IWS1: variants seen among roughly 807,000 people sequenced by gnomAD.
IWS1 encodes the protein protein IWS1 homolog.
A neutral mutation model predicts 86.7 loss-of-function variants in IWS1; 27 were observed. The observed-to-expected ratio is 0.31, with a 90% CI of 0.23 to 0.43. The LOEUF is 0.43. IWS1 is among the 20% of genes least tolerant of loss of function. The pLI, the probability that IWS1 is intolerant of heterozygous loss-of-function variation, is 1.00. For synonymous variants in IWS1, 313 were observed against 335.1 expected (o/e 0.93, Z 0.72); for missense variants, 827 against 1,000.8 (o/e 0.83, Z 2.34).
chr2:127,504,048 T>C (rs1296208717), intron 3 of IWS1, among the ~76,000 whole-genome samples: 1 of 152,226 alleles, frequency 6.6e-6, no homozygotes, highest in African/African-American at 2.4e-5. Context: ...TGACAGCATG[T>C]CTGGTACCTT....
At chr2:127,490,775 G>A (rs1340251940) in intron 10 of IWS1, 1 of 152,150 alleles carries the variant, frequency 6.6e-6, no homozygotes, top group Non-Finnish European at 1.5e-5. Context: ...GCAAACTACT[G>A]CATAAAAGCA....
chr2:127,492,650 A>G (rs1202113632), intron 9 of IWS1: 1 of 153,478 alleles, frequency 6.5e-6, no homozygotes, highest in Non-Finnish European at 1.4e-5. Flanking sequence ...CTCAGAGGTT[A>G]GCAGTTTAAT....
At chr2:127,509,750 T>C (rs1056874153) in intron 2 of IWS1, among the ~76,000 whole-genome samples, 1 of 137,518 alleles carries the variant, frequency 7.3e-6, no homozygotes, top group Non-Finnish European at 1.6e-5. Flanking sequence ...TAATGCCTCA[T>C]ACCTCCTTCT....
intron 2 of IWS1, chr2:127,511,137 C>T (rs1691428698): frequency 6.6e-6 from 1 of 152,168 alleles, no homozygotes; most frequent in African/African-American, 2.4e-5. Context: ...CAAAAATACT[C>T]GCCCCATGAA....
intron 2 of IWS1, among the ~76,000 whole-genome samples, chr2:127,523,382 T>C (rs1322077427): frequency 6.6e-6 from 1 of 152,198 alleles, no homozygotes; most frequent in East Asian, 1.9e-4. Flanking sequence ...TATTGCAGAA[T>C]AGGGAAACTT....
intron 10 of IWS1, 115 bp downstream of exon 10, chr2:127,491,856 C>A: frequency 1.5e-6 from 1 of 682,260 alleles, no homozygotes; most frequent in South Asian, 1.8e-5. Context: ...AATTTCTATT[C>A]CACTTTACCG....
intron 2 of IWS1, among the ~76,000 whole-genome samples, chr2:127,513,358 T>C (rs905431651): frequency 6.6e-6 from 1 of 152,096 alleles, no homozygotes; most frequent in Non-Finnish European, 1.5e-5. Context: ...AGGTACGGGG[T>C]AATTGGGAAT....
intron 2 of IWS1, among the ~76,000 whole-genome samples, chr2:127,513,086 CA>C (rs2104723439): frequency 6.6e-6 from 1 of 152,226 alleles, no homozygotes; most frequent in African/African-American, 2.4e-5. Context: ...ACTAAAAATA[CA>C]AAAAGTAGCT....
At chr2:127,494,775 T>C (rs1690426025) in intron 8 of IWS1, 97 bp downstream of exon 8, 1 of 590,038 alleles carries the variant, frequency 1.7e-6, no homozygotes, top group South Asian at 3.4e-5. Context: ...CCGATAGAAG[T>C]CTATCATTAT....
intron 2 of IWS1, among the ~76,000 whole-genome samples, chr2:127,519,475 G>GAT (rs1691965903): frequency 6.8e-6 from 1 of 147,902 alleles, no homozygotes; most frequent in South Asian, 2.1e-4. Context: ...CTTAAAGATT[G>GAT]TGTGTGTGTG....
At chr2:127,492,359 A>G (rs1690273315) in intron 9 of IWS1, among the ~76,000 whole-genome samples, 1 of 152,126 alleles carries the variant, frequency 6.6e-6, no homozygotes, top group Non-Finnish European at 1.5e-5. Context: ...AGCCTGGCCA[A>G]CATGTGGTGA....
At chr2:127,514,914 C>T (rs1032704297) in intron 2 of IWS1, 2 of 152,246 alleles carry the variant, frequency 1.3e-5, no homozygotes, top group African/African-American at 4.8e-5. Flanking sequence ...GCCCAGAGCC[C>T]AGCAAGGCCC....
chr2:127,485,107 G>A (rs1689862363), intron 13 of IWS1, among the ~76,000 whole-genome samples: 2 of 152,128 alleles, frequency 1.3e-5, no homozygotes, highest in Admixed American at 1.3e-4. Context: ...AGAAAGAGGA[G>A]GGAGAGAGAG....
At chr2:127,510,188 G>C (rs1020077265) in intron 2 of IWS1, among the ~76,000 whole-genome samples, 3 of 152,210 alleles carry the variant, frequency 2.0e-5, no homozygotes, top group African/African-American at 7.2e-5. Context: ...AGTTCCAGAA[G>C]ATATAGCTGA....
At position 127,489,976 on chromosome 2, in the gene IWS1, A is replaced by T; in HGVS notation, c.2048-33T>A. 8.4e-7 allele frequency: 1 copy of T among 1,195,460 alleles called. No individual in the cohort carries two copies. Among genetic ancestry groups the T allele is most frequent in the South Asian group, 1.2e-5 (1 of 81,444 alleles). 74.1% of individuals were successfully genotyped at this position (1,195,460 alleles called of 1,614,324 possible). ...AAGAAAAAAATCAATTATTTTGTCC[A>T]TAAAATTGCATTTCCATTTTTTTCA... is the stretch of plus-strand genomic sequence containing the variant. On this transcript the variant is annotated intron_variant, in intron 10 of 13. Coordinates refer to ENST00000295321, the MANE Select transcript of IWS1 (RefSeq NM_017969.3). The surrounding 1 kb of genome is among the most constrained non-coding windows in gnomAD (Gnocchi z 4.8).
intron 12 of IWS1, 143 bp from the exon 13 acceptor site, chr2:127,486,807 A>G: frequency 1.5e-6 from 1 of 648,782 alleles, no homozygotes; most frequent in African/African-American, 1.8e-5. Flanking sequence ...AGGTCACCCA[A>G]TCCACCCTCC....
chr2:127,521,208 T>C (rs1692075503), intron 2 of IWS1, among the ~76,000 whole-genome samples: 1 of 152,126 alleles, frequency 6.6e-6, no homozygotes, highest in Admixed American at 6.6e-5. Flanking sequence ...GCCAAGATCA[T>C]GCCACTGCAC....
Position 127,489,352 on chromosome 2 carries a change from C to A in IWS1, c.2160-117G>T. Reference sequence around the variant, plus strand: ...TATTAATAGCTCTTTTACGATGGATCAGGGAAAATAATTCCTAATCTTTAA... The same window carrying A: ...TATTAATAGCTCTTTTACGATGGATAAGGGAAAATAATTCCTAATCTTTAA... On this transcript the variant is annotated intron_variant, in intron 11 of 13. Coordinates refer to ENST00000295321, the MANE Select transcript of IWS1 (RefSeq NM_017969.3). The surrounding 1 kb of genome is among the most constrained non-coding windows in gnomAD (Gnocchi z 4.8). The A allele has an allele frequency of 1.5e-6, 1 of 682,088 alleles. No individual in the cohort carries two copies. The highest frequency in any genetic ancestry group is 2.9e-5 in the Admixed American group (1 of 34,420). The allele number at this position is 682,088 out of a possible 1,614,324, so 42.3% of individuals were successfully genotyped here.
At chr2:127,525,126 C>T (rs13427043) in intron 1 of IWS1, among the ~76,000 whole-genome samples, 7 of 66,480 alleles carry the variant, frequency 1.1e-4, no homozygotes, top group Admixed American at 2.0e-4. Flanking sequence ...GGGTGGGGTA[C>T]GGGCATGGGG....
Sources: allele counts gnomAD v4.1 joint callset (sites outside exome capture counted in the v4.1 genomes callset), GRCh38; gene constraint gnomAD v4.1.1; non-coding constraint Gnocchi (gnomAD v3.1); transcripts MANE v1.5; gene names NCBI Gene and HGNC (gene_info 2026-07-23, HGNC 2026-07-21).